Variants in DOCK8 observed in about 807,000 individuals in gnomAD.
DOCK8 encodes the protein dedicator of cytokinesis protein 8.
In DOCK8, 141 loss-of-function variants were observed where a neutral mutation model predicts 245.6. That is an observed-to-expected ratio of 0.57 (90% CI 0.50 to 0.66). The LOEUF (loss-of-function observed/expected upper bound fraction) is 0.66, where lower values mean the gene tolerates loss of function less well. Ranked by LOEUF, DOCK8 falls within the 30% of genes least tolerant of loss-of-function variation. The pLI, the probability that DOCK8 is intolerant of heterozygous loss-of-function variation, is 0.00. For synonymous variants in DOCK8, 1,168 were observed against 970.2 expected, an observed-to-expected ratio of 1.20 and a Z score of -3.79; for missense variants, 2,965 against 2,603.4, an observed-to-expected ratio of 1.14 and a Z score of -3.02.
At chr9:304,860 A>G (rs1164153012) in intron 5 of DOCK8, among the ~76,000 whole-genome samples, 156 bp downstream of exon 5, 2 of 152,008 alleles carry the variant, frequency 1.3e-5, no homozygotes, top group African/African-American at 2.4e-5. Flanking sequence ...TTTCAAACTT[A>G]TTTGTAGCTG....
At chr9:289,259 T>C (rs780758749) in intron 3 of DOCK8, among the ~76,000 whole-genome samples, 1 of 152,342 alleles carries the variant, frequency 6.6e-6, no homozygotes, top group Middle Eastern at 3.4e-3. Context: ...GGGATAGTTA[T>C]AATTTAACAT....
chr9:359,020 G>C (rs892653157), intron 14 of DOCK8, among the ~76,000 whole-genome samples: 1 of 152,194 alleles, frequency 6.6e-6, no homozygotes, highest in African/African-American at 2.4e-5. Flanking sequence ...TGAGACACCT[G>C]GTGCATTGTT....
Position 399,731 on chromosome 9 carries a change from C to T in DOCK8, c.3234+472C>T, listed in dbSNP as rs192765123. On this transcript the variant is annotated intron_variant, in intron 26 of 47. Coordinates refer to ENST00000432829, the MANE Select transcript of DOCK8 (RefSeq NM_203447.4). The stretch of plus-strand genomic sequence containing the variant: ...CAAAGAGATTTAATTTCACTGAGCA[C>T]ATAGCAAATATTTCATAAACCAAGT... 1.5e-4 allele frequency among the ~76,000 whole-genome samples: 23 copies of T among 152,146 alleles called. No individual in the cohort carries two copies. The East Asian group carries it at 1.5e-3, about 10-fold the overall frequency.
In DOCK8 at chr9:305,351, T is replaced by C. The variant is rs541181628; in HGVS notation, c.528+647T>C. On this transcript the variant is annotated intron_variant, in intron 5 of 47. Coordinates refer to ENST00000432829, the MANE Select transcript of DOCK8 (RefSeq NM_203447.4). ...AGGCTGGACTGCAGTGGCACGATCTTGGCTCACTGCAAGCTCCGCCTCCCG... is the reference window on the plus strand; with the variant it reads ...AGGCTGGACTGCAGTGGCACGATCTCGGCTCACTGCAAGCTCCGCCTCCCG... Among the ~76,000 whole-genome samples the C allele has an allele frequency of 1.8e-3, 268 of 152,078 alleles. 1 individual carries two copies. The highest frequency in any genetic ancestry group is 6.2e-3 in the African/African-American group (257 of 41,452).
At chr9:333,937 G>A (rs2051176918) in intron 10 of DOCK8, among the ~76,000 whole-genome samples, 1 of 152,148 alleles carries the variant, frequency 6.6e-6, no homozygotes. Context: ...TTGATAATCT[G>A]ATGTAATGAG....
At chr9:281,660 TG>T (rs1263824775) in intron 2 of DOCK8, among the ~76,000 whole-genome samples, 18 of 152,134 alleles carry the variant, frequency 1.2e-4, no homozygotes, top group Non-Finnish European at 1.2e-4. Flanking sequence ...TGTGTGTGTG[TG>T]TGTGTTGACT....
At chr9:242,121 C>T (rs535896474) in intron 1 of DOCK8, among the ~76,000 whole-genome samples, 1 of 152,284 alleles carries the variant, frequency 6.6e-6, no homozygotes, top group African/African-American at 2.4e-5. Flanking sequence ...TTTCATCTCT[C>T]TGGGCCTCAG....
At chr9:391,819 A>ATTTTTTTTTT (rs1453100811) in intron 24 of DOCK8, among the ~76,000 whole-genome samples, 2 of 130,696 alleles carry the variant, frequency 1.5e-5, no homozygotes, top group African/African-American at 6.2e-5. Flanking sequence ...CATTAAGTGA[A>ATTTTTTTTTT]TCTTTTTTTT....
Position 328,114 on chromosome 9 carries a change from G to A in DOCK8, c.987G>A (p.Ala329=), listed in dbSNP as rs1013880203. 10 of 1,614,046 alleles carry A rather than the reference G, an allele frequency of 6.2e-6. No individual in the cohort carries two copies. The highest frequency in any genetic ancestry group is 5.0e-5 in the Admixed American group (3 of 60,008). The change falls in exon 9 of 48, where the codon GCG becomes GCA. Residue 329 remains alanine (A), a synonymous_variant. Transcript: ENST00000432829. ...HTPSVAASSQ[A]RSAVFSVTYP... is the part of the protein sequence containing the mutation. ...CTTCAGTGGCCGCATCAAGTCAGGCGAGATCTGCAGTCTTCTCAGTCACCT... is the reference window on the plus strand; with the variant it reads ...CTTCAGTGGCCGCATCAAGTCAGGCAAGATCTGCAGTCTTCTCAGTCACCT...
intron 46 of DOCK8, chr9:458,495 C>G (rs1358052843): frequency 6.6e-6 from 1 of 152,172 alleles, no homozygotes; most frequent in African/African-American, 2.4e-5. Flanking sequence ...ACTGAGGAAC[C>G]CATGTATGGG....
chr9:433,781 C>T, intron 37 of DOCK8, 94 bp from the exon 38 acceptor site: 8 of 1,051,540 alleles, frequency 7.6e-6, no homozygotes, highest in South Asian at 1.3e-5. Flanking sequence ...TGATCCAACC[C>T]TTCCCATGGC....
At chr9:356,250 T>G (rs1317106661) in intron 14 of DOCK8, among the ~76,000 whole-genome samples, 1 of 152,144 alleles carries the variant, frequency 6.6e-6, no homozygotes, top group African/African-American at 2.4e-5. Context: ...AAATTTTGGC[T>G]GGGCGTGGTG....
chr9:359,991 A>G (rs1214792654), intron 14 of DOCK8, among the ~76,000 whole-genome samples: 1 of 152,168 alleles, frequency 6.6e-6, no homozygotes, highest in Non-Finnish European at 1.5e-5. Context: ...TTTACTATCA[A>G]AACAACACTT....
At chr9:400,842 C>CCAA (rs2054967208) in intron 26 of DOCK8, among the ~76,000 whole-genome samples, 1 of 99,136 alleles carries the variant, frequency 1.0e-5, no homozygotes, top group Admixed American at 9.9e-5. Context: ...ATCACCACCA[C>CCAA]CTCCACCATC....
At chr9:281,830 A>G (rs1489220399) in intron 2 of DOCK8, among the ~76,000 whole-genome samples, 4 of 152,250 alleles carry the variant, frequency 2.6e-5, no homozygotes, top group Non-Finnish European at 5.9e-5. Context: ...GCCAAGGGCA[A>G]GACTAGTTTA....
chr9:410,168 AGTGTAAAGTGCGATTAATATTTCCTG>A (rs2131574487), intron 28 of DOCK8, among the ~76,000 whole-genome samples: 1 of 152,236 alleles, frequency 6.6e-6, no homozygotes, highest in African/African-American at 2.4e-5. Context: ...CTGAATCCTA[AGTGTAAAGTGCGATTAATATTTCCTG>A]TGAATATATT....
chr9:244,035 AAAT>A (rs1282268247), intron 1 of DOCK8, among the ~76,000 whole-genome samples: 1 of 151,832 alleles, frequency 6.6e-6, no homozygotes, highest in African/African-American at 2.4e-5. Flanking sequence ...ATACAAAAAA[AAAT>A]TTAGCCGGGC....
chr9:305,984 A>G (rs1338583759), intron 5 of DOCK8, among the ~76,000 whole-genome samples: 1 of 152,162 alleles, frequency 6.6e-6, no homozygotes, highest in African/African-American at 2.4e-5. Context: ...GCATCCCAAG[A>G]TGAACAGCAT....
chr9:310,566 C>G (rs1246337925), intron 5 of DOCK8, among the ~76,000 whole-genome samples: 1 of 152,208 alleles, frequency 6.6e-6, no homozygotes, highest in East Asian at 1.9e-4. Flanking sequence ...TCAAGCGATT[C>G]TCCTGCCTCA....
Sources: gnomAD v4.1 joint callset for allele counts (sites outside exome capture counted in the v4.1 genomes callset) on GRCh38, gnomAD v4.1.1 for gene constraint, MANE v1.5 for transcripts, NCBI Gene and HGNC (gene_info 2026-07-23, HGNC 2026-07-21) for gene names.